Variants in ADGRG7 observed in about 807,000 individuals in gnomAD.
ADGRG7 encodes G-protein coupled receptor 128.
In ADGRG7, 82 loss-of-function variants were observed where a neutral mutation model predicts 88.6. The ratio of observed to expected loss-of-function variants is 0.93; its 90% CI spans 0.77 to 1.11. The LOEUF (loss-of-function observed/expected upper bound fraction) is 1.11, where lower values mean the gene tolerates loss of function less well. Ranked by LOEUF, ADGRG7 falls within the 50% of genes most tolerant of loss-of-function variation. The pLI is 0.00. For missense variants in ADGRG7, 945 were observed against 953.4 expected, an observed-to-expected ratio of 0.99 and a Z score of 0.12; for synonymous variants, 381 against 345.2, an observed-to-expected ratio of 1.10 and a Z score of -1.15.
rs773976218 is a variant in ADGRG7, at chr3:100,635,724, G to C, written c.495G>C (p.Gln165His). The change falls in exon 5 of 16, where the codon CAG becomes CAC. Residue 165 changes from glutamine (Q) to histidine (H), a missense_variant. By Grantham distance (24) the Gln-to-His change is conservative (BLOSUM62 0). Coordinates refer to ENST00000273352, the MANE Select transcript of ADGRG7 (RefSeq NM_032787.3). ...APLNNISSEVQILTSDANKLT... is the reference protein window; with the variant it reads ...APLNNISSEVHILTSDANKLT... ...TTAATAACATTTCTTCTGAAGTCCA[G>C]ATTTTAACATCTGATGCCAATAAAT... is the stretch of plus-strand genomic sequence containing the variant. The C allele has an allele frequency of 1.2e-6, 2 of 1,613,984 alleles. No individual in the cohort carries two copies. The highest frequency in any genetic ancestry group is 8.5e-7 in the Non-Finnish European group (1 of 1,179,906).
intron 15 of ADGRG7, among the ~76,000 whole-genome samples, chr3:100,683,790 A>G (rs998735858): frequency 6.6e-6 from 1 of 152,108 alleles, no homozygotes; most frequent in Admixed American, 6.5e-5. Flanking sequence ...CACTAACAAT[A>G]CTTTTTGAAG....
rs372313784 is a variant in ADGRG7 at position 100,646,021 on chromosome 3, G to C, written c.1023G>C (p.Ser341=). 1 of 1,613,790 alleles carries C rather than the reference G, an allele frequency of 6.2e-7. No homozygotes were observed. The highest frequency in any genetic ancestry group is 1.7e-5 in the Admixed American group (1 of 59,996). ...AATCAAAAACTTTTACAGCTAAATC[G>C]GATTTTAGTCAAAAAATTATCTCAA... ...LFQSKTFTAK[S]DFSQKIISSK... Residue 341 remains serine (S), a synonymous_variant, in exon 9 of 16, where the codon TCG becomes TCC. Coordinates refer to ENST00000273352, the MANE Select transcript of ADGRG7 (RefSeq NM_032787.3).
At chr3:100,630,428 A>G (rs1707444474) in intron 2 of ADGRG7, among the ~76,000 whole-genome samples, 1 of 152,172 alleles carries the variant, frequency 6.6e-6, no homozygotes, top group African/African-American at 2.4e-5. Context: ...GAAGATTCCA[A>G]CTAATCTGTT....
intron 15 of ADGRG7, among the ~76,000 whole-genome samples, chr3:100,688,120 C>T (rs561789574): frequency 5.3e-5 from 8 of 152,192 alleles, no homozygotes; most frequent in East Asian, 3.9e-4. Flanking sequence ...GTGTATGTGT[C>T]GAGGAATTTA....
chr3:100,671,803 TAA>T (rs1213645091), intron 15 of ADGRG7, among the ~76,000 whole-genome samples: 1 of 152,192 alleles, frequency 6.6e-6, no homozygotes, highest in Non-Finnish European at 1.5e-5. Context: ...CACCATTTAT[TAA>T]ATAGGGAATC....
intron 13 of ADGRG7, among the ~76,000 whole-genome samples, chr3:100,659,462 A>G (rs953611179): frequency 2.0e-5 from 3 of 147,904 alleles, no homozygotes; most frequent in African/African-American, 7.3e-5. Context: ...AAAAAAAAAA[A>G]AAGGCCCATC....
chr3:100,613,226 T>C (rs1707180474), intron 1 of ADGRG7, among the ~76,000 whole-genome samples: 1 of 152,234 alleles, frequency 6.6e-6, no homozygotes, highest in Non-Finnish European at 1.5e-5. Context: ...CAGGTTGTTA[T>C]GAAAGGTCAA....
rs1576323299 is a variant in ADGRG7, at chr3:100,646,452, C to T, written c.1111-117C>T. 4 of 763,558 alleles carry T rather than the reference C, an allele frequency of 5.2e-6. No individual in the cohort carries two copies. The East Asian group carries it at 1.1e-4, about 21-fold the overall frequency. The allele number at this position is 763,558 out of a possible 1,614,324, so 47.3% of individuals were successfully genotyped here. A position where few individuals can be genotyped will look rare whatever the true frequency, so the allele number is the denominator to read the frequency against. On this transcript the variant is annotated intron_variant, in intron 9 of 15. Coordinates refer to ENST00000273352, the MANE Select transcript of ADGRG7 (RefSeq NM_032787.3). ...CCTCTCCTTAATCATAATGAATATGCTGATGCTTAGTATATATTTAATTCA... is the reference window on the plus strand; with the variant it reads ...CCTCTCCTTAATCATAATGAATATGTTGATGCTTAGTATATATTTAATTCA...
intron 11 of ADGRG7, among the ~76,000 whole-genome samples, chr3:100,651,155 T>G (rs997443332): frequency 6.6e-6 from 1 of 152,200 alleles, no homozygotes; most frequent in Non-Finnish European, 1.5e-5. Flanking sequence ...AGTGCTTATG[T>G]TGTAAGGAGC....
intron 10 of ADGRG7, 95 bp downstream of exon 10, chr3:100,646,819 T>A: frequency 9.7e-7 from 1 of 1,029,142 alleles, no homozygotes; most frequent in Non-Finnish European, 1.4e-6. Flanking sequence ...GGATTTAATT[T>A]ACATAGATTC....
At chr3:100,665,755 G>T (rs1188777608) in intron 14 of ADGRG7, among the ~76,000 whole-genome samples, 1 of 152,138 alleles carries the variant, frequency 6.6e-6, no homozygotes, top group Non-Finnish European at 1.5e-5. Context: ...TTGCAAATTA[G>T]GATATATTTC....
intron 14 of ADGRG7, among the ~76,000 whole-genome samples, chr3:100,666,731 C>T (rs1302735136): frequency 2.6e-5 from 4 of 152,212 alleles, no homozygotes; most frequent in South Asian, 4.2e-4. Context: ...TCCCTTCCCA[C>T]GAGGCCATAT....
At chr3:100,647,630 G>T (rs2149026793) in intron 10 of ADGRG7, among the ~76,000 whole-genome samples, 1 of 152,238 alleles carries the variant, frequency 6.6e-6, no homozygotes, top group African/African-American at 2.4e-5. Context: ...GTCTCTCAAG[G>T]TTCTTGTGCT....
At chr3:100,637,499 A>T in intron 6 of ADGRG7, 97 bp downstream of exon 6, 2 of 804,828 alleles carry the variant, frequency 2.5e-6, no homozygotes, top group Non-Finnish European at 4.1e-6. Flanking sequence ...TCTCTCATGG[A>T]TGCAGTAACT....
At chr3:100,646,976 G>A (rs890628288) in intron 10 of ADGRG7, among the ~76,000 whole-genome samples, 9 of 152,144 alleles carry the variant, frequency 5.9e-5, no homozygotes, top group Non-Finnish European at 1.2e-4. Flanking sequence ...TGACCAACAT[G>A]GTGAAACCCC....
intron 15 of ADGRG7, among the ~76,000 whole-genome samples, chr3:100,683,534 C>G (rs2094976934): frequency 6.6e-6 from 1 of 152,230 alleles, no homozygotes. Context: ...GCTGCCTGCC[C>G]CACCGCAGCT....
At chr3:100,638,533 C>T (rs1707584962) in intron 6 of ADGRG7, among the ~76,000 whole-genome samples, 1 of 152,126 alleles carries the variant, frequency 6.6e-6, no homozygotes, top group South Asian at 2.1e-4. Flanking sequence ...GAAAAGGCAA[C>T]ATTTGATTCG....
chr3:100,616,068 C>T (rs1406894799), intron 1 of ADGRG7, among the ~76,000 whole-genome samples: 1 of 152,134 alleles, frequency 6.6e-6, no homozygotes, highest in Non-Finnish European at 1.5e-5. Context: ...TCTGTCCTAC[C>T]TATACAGTAT....
chr3:100,626,385 A>G (rs1707381059), intron 1 of ADGRG7, among the ~76,000 whole-genome samples: 2 of 152,166 alleles, frequency 1.3e-5, no homozygotes, highest in African/African-American at 4.8e-5. Flanking sequence ...AAAAACTTTC[A>G]TTTATGGATT....
Sources: allele counts gnomAD v4.1 joint callset (sites outside exome capture counted in the v4.1 genomes callset), GRCh38; gene constraint gnomAD v4.1.1; transcripts MANE v1.5; gene names NCBI Gene and HGNC (gene_info 2026-07-23, HGNC 2026-07-21).